KCTD21: variants seen among roughly 807,000 people sequenced by gnomAD.
KCTD21 encodes the protein BTB/POZ domain-containing protein KCTD21.
Under a neutral mutation model 13.2 loss-of-function variants are expected in KCTD21, and 9 were observed. The observed-to-expected ratio is 0.68, with a 90% CI of 0.41 to 1.19. The LOEUF (loss-of-function observed/expected upper bound fraction) is 1.19. KCTD21 is among the 50% of genes most tolerant of loss of function. The pLI is 0.01. For synonymous variants in KCTD21, 142 were observed against 137.4 expected, an observed-to-expected ratio of 1.03 and a Z score of -0.23; for missense variants, 303 against 336.5, an observed-to-expected ratio of 0.90 and a Z score of 0.78.
At chr11:78,179,189 ACT>A in intron 1 of KCTD21, among the ~76,000 whole-genome samples, 1 of 141,584 alleles carries the variant, frequency 7.1e-6, no homozygotes, top group East Asian at 2.0e-4. Context: ...TTCCCCTGCT[ACT>A]CTTTTTATTT....
At chr11:78,177,015 AAAAC>A (rs1862471529) in intron 1 of KCTD21, 1 of 152,296 alleles carries the variant, frequency 6.6e-6, no homozygotes, top group South Asian at 2.1e-4. Context: ...CCGGTCTCAA[AAAAC>A]AAACAAAAAC....
At chr11:78,181,079 A>G (rs562321072) in intron 1 of KCTD21, among the ~76,000 whole-genome samples, 1 of 152,286 alleles carries the variant, frequency 6.6e-6, no homozygotes, top group South Asian at 2.1e-4. Context: ...TTTCCTTTGT[A>G]AATTAGCCAG....
chr11:78,172,120 G>A lies in KCTD21; in HGVS notation c.*1652C>T, dbSNP rs1862297281. The A allele has an allele frequency of 1.3e-5, 2 of 152,224 alleles. No homozygotes were observed. The highest frequency in any genetic ancestry group is 1.3e-4 in the Admixed American group (2 of 15,280). The allele number at this position is 152,224 out of a possible 1,614,324, so 9.4% of individuals were successfully genotyped here. A position where few individuals can be genotyped will look rare whatever the true frequency, so the allele number is the denominator to read the frequency against. ...CCCTGCCCAGTGGGGGAGGACCCTG[G>A]GGACTCTCAAGGCCAAACTCACTTT... On this transcript the variant is annotated 3_prime_UTR_variant, in exon 2 of 2. Coordinates refer to ENST00000340067, the MANE Select transcript of KCTD21 (RefSeq NM_001029859.3).
chr11:78,180,547 T>A (rs1862586389), intron 1 of KCTD21, among the ~76,000 whole-genome samples: 1 of 151,996 alleles, frequency 6.6e-6, no homozygotes, highest in East Asian at 1.9e-4. Flanking sequence ...TAACAAATAC[T>A]CCAGCAAAGA....
intron 1 of KCTD21, chr11:78,174,862 T>G (rs973932036): frequency 2.3e-5 from 7 of 299,990 alleles, no homozygotes; most frequent in Admixed American, 4.6e-5. Context: ...GCCGACATTC[T>G]ATTTTAATTG....
chr11:78,184,761 T>TC (rs1555082876), intron 1 of KCTD21, among the ~76,000 whole-genome samples: 7 of 110,388 alleles, frequency 6.3e-5, no homozygotes, highest in Non-Finnish European at 1.3e-4. Flanking sequence ...AGAATTTTTT[T>TC]TTTCTTGAGA....
At chr11:78,184,991 G>C (rs1862728431) in intron 1 of KCTD21, among the ~76,000 whole-genome samples, 1 of 152,162 alleles carries the variant, frequency 6.6e-6, no homozygotes, top group Non-Finnish European at 1.5e-5. Context: ...GTCTGCCTTT[G>C]CTTCCCAAAG....
In KCTD21 at chr11:78,173,552, C is replaced by T. The variant is rs776023118; in HGVS notation, c.*220G>A. 49 of 540,892 alleles carry T rather than the reference C, an allele frequency of 9.1e-5. No individual in the cohort carries two copies. The highest frequency in any genetic ancestry group is 1.7e-4 in the Admixed American group (5 of 30,298). The allele number at this position is 540,892 out of a possible 1,614,324, so 33.5% of individuals were successfully genotyped here. Reference sequence around the variant, plus strand: ...TGACTCTTCACTTGTCATAATAAACCGCCTGTCTGCAGCTCAAAATGGCAA... The same window carrying T: ...TGACTCTTCACTTGTCATAATAAACTGCCTGTCTGCAGCTCAAAATGGCAA... On this transcript the variant is annotated 3_prime_UTR_variant, in exon 2 of 2. Coordinates refer to ENST00000340067, the MANE Select transcript of KCTD21 (RefSeq NM_001029859.3).
chr11:78,173,707 C>A lies in KCTD21; in HGVS notation c.*65G>T. 7.3e-7 allele frequency: 1 copy of A among 1,366,332 alleles called. No individual in the cohort carries two copies. Among genetic ancestry groups the A allele is most frequent in the Non-Finnish European group, 1.0e-6 (1 of 984,622 alleles). 84.6% of individuals were successfully genotyped at this position (1,366,332 alleles called of 1,614,324 possible). ...CCTGCCTCGCACCACTGGCGAGATG[C>A]CCTCCAAGACCTGGCTGACATGAGC... On this transcript the variant is annotated 3_prime_UTR_variant, in exon 2 of 2. Coordinates refer to ENST00000340067, the MANE Select transcript of KCTD21 (RefSeq NM_001029859.3).
chr11:78,188,315 A>G, intron 1 of KCTD21: 1 of 979,898 alleles, frequency 1.0e-6, no homozygotes, highest in Non-Finnish European at 1.2e-6. Flanking sequence ...GACCCTCATT[A>G]TCCGGGCTTT....
chr11:78,176,642 A>G lies in KCTD21; in HGVS notation c.-29-2059T>C, dbSNP rs145950027. 2.2e-3 allele frequency among the ~76,000 whole-genome samples: 338 copies of G among 152,338 alleles called. 1 individual carries two copies. Among genetic ancestry groups the G allele is most frequent in the African/African-American group, 7.8e-3 (326 of 41,570 alleles). ...AGAGGAGATGAGAGAGTAAAGGCAC[A>G]GTGACAAGACAGGTAGAAGATGTGG... On this transcript the variant is annotated intron_variant, in intron 1 of 1. Coordinates refer to ENST00000340067, the MANE Select transcript of KCTD21 (RefSeq NM_001029859.3).
At chr11:78,188,535 G>A in intron 1 of KCTD21, 38 bp downstream of exon 1, 1 of 985,396 alleles carries the variant, frequency 1.0e-6, no homozygotes, top group Non-Finnish European at 1.2e-6. Flanking sequence ...CTCGCCGGTA[G>A]TCCCCGAGCC....
chr11:78,186,461 G>A (rs1415625379), intron 1 of KCTD21, among the ~76,000 whole-genome samples: 1 of 148,434 alleles, frequency 6.7e-6, no homozygotes, highest in African/African-American at 2.5e-5. Context: ...ATGGTATTCG[G>A]CATTACCTGG....
intron 1 of KCTD21, among the ~76,000 whole-genome samples, chr11:78,183,106 T>C (rs1862677524): frequency 1.3e-5 from 2 of 152,212 alleles, no homozygotes; most frequent in Admixed American, 1.3e-4. Context: ...TAGCCCTGGA[T>C]CTTTGTTTCT....
In KCTD21 at chr11:78,183,659, C is replaced by T. The variant is rs528585348; in HGVS notation, c.-30+4914G>A. On this transcript the variant is annotated intron_variant, in intron 1 of 1. Transcript: ENST00000340067. ...TAATTCTTTTTTTTTTTTTTTGAGA[C>T]GGAGTCTCACTGTCGCCCAGGCTGG... Among the ~76,000 whole-genome samples the T allele has an allele frequency of 1.4e-4, 20 of 141,956 alleles. No individual in the cohort carries two copies. In the South Asian group the frequency reaches 2.9e-3, roughly 21 times the overall value. The allele number at this position is 141,956 out of a possible 152,430, so 93.1% of individuals were successfully genotyped here. A position where few individuals can be genotyped will look rare whatever the true frequency, so the allele number is the denominator to read the frequency against.
At chr11:78,180,465 A>G (rs1339800824) in intron 1 of KCTD21, among the ~76,000 whole-genome samples, 2 of 152,352 alleles carry the variant, frequency 1.3e-5, no homozygotes, top group East Asian at 3.9e-4. Context: ...GTTCAAGAAC[A>G]GCCTGGCCGA....
chr11:78,183,444 G>A (rs1386537314), intron 1 of KCTD21, among the ~76,000 whole-genome samples: 1 of 151,184 alleles, frequency 6.6e-6, no homozygotes, highest in African/African-American at 2.4e-5. Flanking sequence ...GCTGAGGCAG[G>A]AGAATCGCTT....
chr11:78,178,147 G>C (rs1054374201), intron 1 of KCTD21, among the ~76,000 whole-genome samples: 25 of 111,684 alleles, frequency 2.2e-4, no homozygotes, highest in African/African-American at 8.2e-4. Context: ...TTTTTTTTGA[G>C]ATGGAGTCTC....
rs183379267 is a variant in KCTD21, at chr11:78,184,246, A to T, written c.-30+4327T>A. 4.6e-5 allele frequency among the ~76,000 whole-genome samples: 7 copies of T among 152,372 alleles called. No individual in the cohort carries two copies. In the East Asian group the frequency reaches 1.3e-3, roughly 29 times the overall value. On this transcript the variant is annotated intron_variant, in intron 1 of 1. Transcript: ENST00000340067. Reference sequence around the variant, plus strand: ...CATATCCTCCTGACATGCAGTAAGTACACACATTGCCAAAAACTTAAATCT... The same window carrying T: ...CATATCCTCCTGACATGCAGTAAGTTCACACATTGCCAAAAACTTAAATCT...
Sources: allele counts gnomAD v4.1 joint callset (sites outside exome capture counted in the v4.1 genomes callset), GRCh38; gene constraint gnomAD v4.1.1; transcripts MANE v1.5; gene names NCBI Gene and HGNC (gene_info 2026-07-23, HGNC 2026-07-21).